TNFRSF1B: variants seen among roughly 807,000 people sequenced by gnomAD.
TNFRSF1B encodes the protein TNF receptor superfamily member 1B, also known as tumor necrosis factor receptor superfamily member 1B.
A neutral mutation model predicts 44.6 loss-of-function variants in TNFRSF1B; 19 were observed. The ratio of observed to expected loss-of-function variants is 0.43; its 90% CI spans 0.30 to 0.62. The LOEUF (loss-of-function observed/expected upper bound fraction) is 0.62. Ranked by LOEUF, TNFRSF1B falls within the 20% of genes least tolerant of loss-of-function variation. The pLI is 0.16. For synonymous variants in TNFRSF1B, 252 were observed against 261.1 expected, an observed-to-expected ratio of 0.97 and a Z score of 0.34; for missense variants, 541 against 619.9, an observed-to-expected ratio of 0.87 and a Z score of 1.35.
In TNFRSF1B at chr1:12,193,012, G is replaced by A. The variant is rs770267357; in HGVS notation, c.701G>A (p.Ser234Asn). Residue 234 changes from serine (S) to asparagine (N), a missense_variant, in exon 6 of 10, where the codon AGC (serine) becomes AAC (asparagine). Transcript: ENST00000376259. Reference protein sequence around the residue: ...SQHTQPTPEPSTAPSTSFLLP... With the variant: ...SQHTQPTPEPNTAPSTSFLLP... ...CACACGCAGCCAACTCCAGAACCCA[G>A]CACTGCTCCAAGCACCTCCTTCCTG... 6.8e-5 allele frequency: 110 copies of A among 1,614,098 alleles called. No individual in the cohort carries two copies. In the South Asian group the frequency reaches 1.1e-3, roughly 16 times the overall value.
Position 12,206,748 on chromosome 1 carries a change from C to T in TNFRSF1B, c.1114C>T (p.Pro372Ser), listed in dbSNP as rs781160620. 2.0e-5 allele frequency: 31 copies of T among 1,589,422 alleles called. No homozygotes were observed. The Admixed American group carries it at 2.2e-4, about 11-fold the overall frequency. ...RASTGSSDSS[P>S]GGHGTQVNVT... is the part of the protein sequence containing the mutation. ...CATCTTGTGCTTAGCAGATTCTTCC[C>T]CTGGTGGCCATGGGACCCAGGTCAA... The change falls in exon 10 of 10, where the codon CCT becomes TCT. Residue 372 changes from proline to serine, a missense_variant. Coordinates refer to ENST00000376259, the MANE Select transcript of TNFRSF1B (RefSeq NM_001066.3).
At position 12,200,943 on chromosome 1, in the gene TNFRSF1B, T is replaced by A. The variant is rs564306841; in HGVS notation, c.901-1024T>A. On this transcript the variant is annotated intron_variant, in intron 8 of 9. Transcript: ENST00000376259. The stretch of plus-strand genomic sequence containing the variant: ...GCCACAAATTATTCTTAAACATTTT[T>A]TTTTCAACCATTTAAAACATGAAAA... Among the ~76,000 whole-genome samples the A allele has an allele frequency of 5.3e-5, 8 of 152,278 alleles. No homozygotes were observed. The South Asian group carries it at 1.7e-3, about 32-fold the overall frequency.
In TNFRSF1B at chr1:12,180,793, G is replaced by A. The variant is rs757214891; in HGVS notation, c.79-8003G>A. Among the ~76,000 whole-genome samples, 7 of 152,162 alleles carry A rather than the reference G, an allele frequency of 4.6e-5. No homozygotes were observed. The highest frequency in any genetic ancestry group is 1.3e-4 in the Admixed American group (2 of 15,274). ...TCTTCCTGGAGCTCGGCCCTCGGCA[G>A]CTCTCAGAAGCTCACCTTCTTGCAG... On this transcript the variant is annotated intron_variant, in intron 1 of 9. Coordinates refer to ENST00000376259, the MANE Select transcript of TNFRSF1B (RefSeq NM_001066.3). The surrounding 1 kb of genome is among the most constrained non-coding windows in gnomAD (Gnocchi z 4.3).
In TNFRSF1B at chr1:12,199,814, G is replaced by A. The variant is rs1639348693; in HGVS notation, c.901-2153G>A. On this transcript the variant is annotated intron_variant, in intron 8 of 9. Coordinates refer to ENST00000376259, the MANE Select transcript of TNFRSF1B (RefSeq NM_001066.3). This position sits in a 1 kb window ranked among gnomAD's most constrained non-coding sequence, Gnocchi z 4.0. ...ACTCATCTCTACCCTCCTTCTTTCTGCCTGGGACACTTGTTTTCATCCTGG... is the reference window on the plus strand; with the variant it reads ...ACTCATCTCTACCCTCCTTCTTTCTACCTGGGACACTTGTTTTCATCCTGG... 6.6e-6 allele frequency among the ~76,000 whole-genome samples: 1 copy of A among 152,194 alleles called. No homozygotes were observed. Among genetic ancestry groups the A allele is most frequent in the Non-Finnish European group, 1.5e-5 (1 of 68,034 alleles).
At chr1:12,183,725 C>A (rs1406200635) in intron 1 of TNFRSF1B, among the ~76,000 whole-genome samples, 1 of 107,958 alleles carries the variant, frequency 9.3e-6, no homozygotes, top group Non-Finnish European at 2.0e-5. Flanking sequence ...ATCTACCTAT[C>A]TATCTATCTA....
chr1:12,200,102 A>G (rs1292708232), intron 8 of TNFRSF1B, among the ~76,000 whole-genome samples: 7 of 152,068 alleles, frequency 4.6e-5, no homozygotes, highest in Admixed American at 3.9e-4. Context: ...CAGCCACAGT[A>G]TGTCCTAACC....
intron 9 of TNFRSF1B, among the ~76,000 whole-genome samples, chr1:12,205,717 G>A (rs548128797): frequency 6.6e-6 from 1 of 152,182 alleles, no homozygotes; most frequent in African/African-American, 2.4e-5. Flanking sequence ...CGTAGCCTGG[G>A]TTCAAGCTAT....
intron 1 of TNFRSF1B, among the ~76,000 whole-genome samples, chr1:12,175,533 T>A (rs1638636224): frequency 1.3e-5 from 2 of 152,136 alleles, no homozygotes; most frequent in African/African-American, 4.8e-5. Context: ...CTCCTCTCGC[T>A]GACCCCAGCC....
chr1:12,205,897 G>A (rs886139519), intron 9 of TNFRSF1B, among the ~76,000 whole-genome samples: 2 of 152,010 alleles, frequency 1.3e-5, no homozygotes, highest in Non-Finnish European at 1.5e-5. Flanking sequence ...CAAAGTGCTG[G>A]GATTACAGGC....
Position 12,202,227 on chromosome 1 carries a change from T to C in TNFRSF1B, c.1105+56T>C, listed in dbSNP as rs940617554. On this transcript the variant is annotated intron_variant, in intron 9 of 9. Transcript: ENST00000376259. The stretch of plus-strand genomic sequence containing the variant: ...CCAAGCCTCCTTGGTCTTTCTCACC[T>C]GGTTTCTGTCTTAGCCATCTCCTCC... 9 of 1,528,600 alleles carry C rather than the reference T, an allele frequency of 5.9e-6. No individual in the cohort carries two copies. The African/African-American group carries it at 1.1e-4, about 19-fold the overall frequency. 94.7% of individuals were successfully genotyped at this position (1,528,600 alleles called of 1,614,324 possible). A position where few individuals can be genotyped will look rare whatever the true frequency, so the allele number is the denominator to read the frequency against.
chr1:12,192,025 G>C, intron 4 of TNFRSF1B, 102 bp downstream of exon 4: 1 of 1,466,260 alleles, frequency 6.8e-7, no homozygotes, highest in Non-Finnish European at 9.1e-7. Context: ...GTCCAGCAGG[G>C]AGCACTGTTA....
chr1:12,191,383 G>C (rs1639119677), intron 3 of TNFRSF1B, among the ~76,000 whole-genome samples: 1 of 152,154 alleles, frequency 6.6e-6, no homozygotes, highest in Admixed American at 6.5e-5. Flanking sequence ...GCGGGGAGGA[G>C]CGAAACTGCT....
intron 1 of TNFRSF1B, among the ~76,000 whole-genome samples, chr1:12,179,908 A>C (rs1638751840): frequency 6.6e-6 from 1 of 152,186 alleles, no homozygotes; most frequent in African/African-American, 2.4e-5. Context: ...GTGCCTGCAC[A>C]CAGTAGGTAC....
rs1341015985 is a variant in TNFRSF1B at position 12,171,299 on chromosome 1, C to T, written c.78+4130C>T. 6.6e-6 allele frequency among the ~76,000 whole-genome samples: 1 copy of T among 152,062 alleles called. No homozygotes were observed. The highest frequency in any genetic ancestry group is 1.9e-4 in the East Asian group (1 of 5,196). On this transcript the variant is annotated intron_variant, in intron 1 of 9. Coordinates refer to ENST00000376259, the MANE Select transcript of TNFRSF1B (RefSeq NM_001066.3). This position sits in a 1 kb window ranked among gnomAD's most constrained non-coding sequence, Gnocchi z 4.5. The stretch of plus-strand genomic sequence containing the variant: ...GAAGTGCTGGGATTATAGGCGTGAG[C>T]CACCCCACCCAGCCCCATTCTCACT...
Position 12,195,645 on chromosome 1 carries a change from C to T in TNFRSF1B, c.900+1027C>T, listed in dbSNP as rs551523465. 5.9e-5 allele frequency among the ~76,000 whole-genome samples: 9 copies of T among 152,132 alleles called. No homozygotes were observed. The East Asian group carries it at 1.2e-3, about 20-fold the overall frequency. The stretch of plus-strand genomic sequence containing the variant: ...AGTGTCACATGACCACCCCTAGCTG[C>T]GAGGGAAGCTGGGAAAGAGGGTGTT... On this transcript the variant is annotated intron_variant, in intron 8 of 9. Coordinates refer to ENST00000376259, the MANE Select transcript of TNFRSF1B (RefSeq NM_001066.3).
Position 12,168,674 on chromosome 1 carries a change from G to T in TNFRSF1B, c.78+1505G>T, listed in dbSNP as rs1638450872. Among the ~76,000 whole-genome samples, 1 of 152,098 alleles carries T rather than the reference G, an allele frequency of 6.6e-6. No homozygotes were observed. Among genetic ancestry groups the T allele is most frequent in the Non-Finnish European group, 1.5e-5 (1 of 67,996 alleles). On this transcript the variant is annotated intron_variant, in intron 1 of 9. Coordinates refer to ENST00000376259, the MANE Select transcript of TNFRSF1B (RefSeq NM_001066.3). The surrounding 1 kb of genome is among the most constrained non-coding windows in gnomAD (Gnocchi z 4.7). ...TGCAGTCCTGGAGTAGCTGGAGGAGGTTCCCTCCCACTTCCTTCCCTTCCT... is the reference window on the plus strand; with the variant it reads ...TGCAGTCCTGGAGTAGCTGGAGGAGTTTCCCTCCCACTTCCTTCCCTTCCT...
intron 2 of TNFRSF1B, among the ~76,000 whole-genome samples, chr1:12,189,135 C>T (rs1216436278): frequency 2.0e-5 from 3 of 152,192 alleles, no homozygotes; most frequent in Non-Finnish European, 4.4e-5. Context: ...AAGATGTCCC[C>T]TCTTCCAGGA....
In TNFRSF1B at chr1:12,192,522, G is replaced by C. The variant is rs759423347; in HGVS notation, c.549G>C (p.Gln183His). 17 of 1,613,956 alleles carry C rather than the reference G, an allele frequency of 1.1e-5. No homozygotes were observed. Among genetic ancestry groups the C allele is most frequent in the Admixed American group, 1.7e-5 (1 of 60,002 alleles). The change falls in exon 5 of 10, where the codon CAG becomes CAC. Residue 183 changes from glutamine (Q) to histidine (H), a missense_variant and splice_region_variant. Transcript: ENST00000376259. ...CCACGGATATTTGCAGGCCCCACCA[G>C]ATGTGAGTAGCTGAGTCCTTTGGTT... is the stretch of plus-strand genomic sequence containing the variant. Reference protein sequence around the residue: ...TSSTDICRPHQICNVVAIPGN... With the variant: ...TSSTDICRPHHICNVVAIPGN...
chr1:12,172,562 G>A (rs1409397081), intron 1 of TNFRSF1B, among the ~76,000 whole-genome samples: 1 of 152,220 alleles, frequency 6.6e-6, no homozygotes, highest in African/African-American at 2.4e-5. Flanking sequence ...TCTGCTCTGA[G>A]CCCCAGGGCC....
Sources: allele counts gnomAD v4.1 joint callset (sites outside exome capture counted in the v4.1 genomes callset), GRCh38; gene constraint gnomAD v4.1.1; non-coding constraint Gnocchi (gnomAD v3.1); transcripts MANE v1.5; gene names NCBI Gene and HGNC (gene_info 2026-07-23, HGNC 2026-07-21).